Variants in PRDM9 observed in about 807,000 individuals in gnomAD.
The protein encoded by PRDM9 is PR/SET domain 9.
In PRDM9, 47 loss-of-function variants were observed where a neutral mutation model predicts 55.6. That is an observed-to-expected ratio of 0.85 (90% CI 0.67 to 1.08). The LOEUF (loss-of-function observed/expected upper bound fraction) is 1.08, where lower values mean the gene tolerates loss of function less well. Ranked by LOEUF, PRDM9 falls within the 50% of genes least tolerant of loss-of-function variation. The probability of loss-of-function intolerance (pLI) is 0.00; values close to 1 mark genes in which losing one functional copy is unlikely to be tolerated. For synonymous variants in PRDM9, 312 were observed against 375.7 expected (o/e 0.83, Z 1.96); for missense variants, 867 against 1,040.3 (o/e 0.83, Z 2.29).
At chr5:23,509,636 A>G (rs1579587457) in intron 3 of PRDM9, 43 bp downstream of exon 3, 2 of 1,613,914 alleles carry the variant, frequency 1.2e-6, no homozygotes, top group East Asian at 4.5e-5. Flanking sequence ...GGAGACATAA[A>G]ACAGGTCTTT....
intron 5 of PRDM9, 137 bp downstream of exon 5, chr5:23,518,067 A>G (rs1739252264): frequency 1.2e-6 from 1 of 805,878 alleles, no homozygotes; most frequent in African/African-American, 1.7e-5. Flanking sequence ...GTCTGACATC[A>G]TCATTATTTT....
rs776606930 is a variant in PRDM9 at position 23,526,786 on chromosome 5, C to A, written c.1698C>A (p.His566Gln). 34 of 1,587,800 alleles carry A rather than the reference C, an allele frequency of 2.1e-5. No homozygotes were observed. In the South Asian group the frequency reaches 3.8e-4, roughly 18 times the overall value. ...GGCGGGGCTTTAGCTGGAAGTCACA[C>A]CTCCTCATTCACCAGAGGATACACA... ...ECGRGFSWKS[H>Q]LLIHQRIHTG... The change falls in exon 11 of 11, where the codon CAC (histidine) becomes CAA (glutamine). Residue 566 changes from histidine to glutamine, a missense_variant. By Grantham distance (24) the His-to-Gln change is conservative. Coordinates refer to ENST00000296682, the MANE Select transcript of PRDM9 (RefSeq NM_020227.4).
chr5:23,527,715 G>A lies in PRDM9; in HGVS notation c.2627G>A (p.Cys876Tyr), dbSNP rs1407954769. 7.2e-7 allele frequency: 1 copy of A among 1,384,088 alleles called. No homozygotes were observed. The highest frequency in any genetic ancestry group is 1.2e-5 in the South Asian group (1 of 84,394). 85.7% of individuals were successfully genotyped at this position (1,384,088 alleles called of 1,614,324 possible). A position where few individuals can be genotyped will look rare whatever the true frequency, so the allele number is the denominator to read the frequency against. Residue 876 changes from cysteine (C) to tyrosine (Y), a missense_variant, in exon 11 of 11, where the codon TGC (cysteine) becomes TAC (tyrosine). This residue lies in a region of PRDM9 where 86 missense variants were observed against 73.6 expected (regional missense o/e 1.17). Transcript: ENST00000296682. ...GGCTTTAGCGATAGGTCAAGCCTCT[G>A]CTATCACCAGAGGACACACACAGGG... is the stretch of plus-strand genomic sequence containing the variant. ...GRGFSDRSSL[C>Y]YHQRTHTGEK...
intron 1 of PRDM9, among the ~76,000 whole-genome samples, chr5:23,508,603 C>T (rs766049319): frequency 3.9e-5 from 6 of 152,158 alleles, no homozygotes; most frequent in Admixed American, 1.3e-4. Context: ...TCTCAGCAGT[C>T]GGGGGGCCTC....
chr5:23,523,212 C>T, intron 8 of PRDM9, 79 bp from the exon 9 acceptor site: 2 of 1,502,088 alleles, frequency 1.3e-6, no homozygotes, highest in South Asian at 2.3e-5. Flanking sequence ...GCCCAAAGGC[C>T]ATTGACGACA....
At chr5:23,524,619 C>T (rs1739397165) in intron 10 of PRDM9, 92 bp downstream of exon 10, 2 of 1,559,152 alleles carry the variant, frequency 1.3e-6, no homozygotes, top group Admixed American at 1.7e-5. Flanking sequence ...CAGTAAAATG[C>T]CATCTAAAGT....
intron 6 of PRDM9, among the ~76,000 whole-genome samples, chr5:23,522,009 G>A (rs1274756947): frequency 2.0e-5 from 3 of 152,190 alleles, no homozygotes; most frequent in Non-Finnish European, 2.9e-5. Flanking sequence ...AAGATGTAAT[G>A]TGACCTCAAG....
At chr5:23,523,456 A>G (rs1561021171) in intron 9 of PRDM9, 98 bp downstream of exon 9, 2 of 1,294,780 alleles carry the variant, frequency 1.5e-6, no homozygotes, top group Non-Finnish European at 1.1e-6. Flanking sequence ...TGATTTTCAC[A>G]TTCCCTATTT....
chr5:23,516,851 C>T (rs576802823), intron 4 of PRDM9, among the ~76,000 whole-genome samples: 1 of 148,312 alleles, frequency 6.7e-6, no homozygotes, highest in South Asian at 2.2e-4. Flanking sequence ...TCCTGATTAG[C>T]TGGGACTACA....
At chr5:23,519,171 T>A (rs1331190755) in intron 5 of PRDM9, among the ~76,000 whole-genome samples, 1 of 152,156 alleles carries the variant, frequency 6.6e-6, no homozygotes, top group Non-Finnish European at 1.5e-5. Context: ...GCGATCCTCC[T>A]GCCTCAGCCT....
intron 4 of PRDM9, 61 bp from the exon 5 acceptor site, chr5:23,517,820 A>G: frequency 7.1e-7 from 1 of 1,402,788 alleles, no homozygotes; most frequent in Non-Finnish European, 1.0e-6. Context: ...AATAGAAGAG[A>G]GAATCTCTAG....
rs7714612 is a variant in PRDM9, at chr5:23,509,490, C to T, written c.90C>T (p.Asp30=). ...RKPMVKDAFK[D]ISIYFTKEEW... Reference sequence around the variant, plus strand: ...TCTAGGTCAAAGATGCCTTCAAAGACATTTCCATATACTTCACCAAGGAAG... The same window carrying T: ...TCTAGGTCAAAGATGCCTTCAAAGATATTTCCATATACTTCACCAAGGAAG... Residue 30 remains aspartate (D), a synonymous_variant, in exon 3 of 11, where the codon GAC becomes GAT. Transcript: ENST00000296682. 4.9e-3 allele frequency: 7,912 copies of T among 1,614,120 alleles called. 326 individuals are homozygous for T. In the African/African-American group the frequency reaches 0.091, roughly 19 times the overall value.
chr5:23,527,862 C>T lies in PRDM9; in HGVS notation c.*89C>T. On this transcript the variant is annotated 3_prime_UTR_variant, in exon 11 of 11. Coordinates refer to ENST00000296682, the MANE Select transcript of PRDM9 (RefSeq NM_020227.4). ...GCACACCCCAGCTGTGAGGTGGCTT[C>T]AGCGGAAGTCTGCTGACCCCTTATA... The T allele has an allele frequency of 1.3e-6, 2 of 1,527,438 alleles. No homozygotes were observed. The highest frequency in any genetic ancestry group is 2.3e-5 in the South Asian group (2 of 87,972). The allele number at this position is 1,527,438 out of a possible 1,614,324, so 94.6% of individuals were successfully genotyped here. A position where few individuals can be genotyped will look rare whatever the true frequency, so the allele number is the denominator to read the frequency against.
intron 10 of PRDM9, 74 bp from the exon 11 acceptor site, chr5:23,526,159 T>G (rs1739423983): frequency 1.7e-5 from 26 of 1,493,654 alleles, no homozygotes; most frequent in Non-Finnish European, 2.4e-5. Flanking sequence ...TGTTTCTTCA[T>G]TTGATCTTCA....
intron 4 of PRDM9, among the ~76,000 whole-genome samples, chr5:23,516,865 G>T (rs1288438882): frequency 6.7e-6 from 1 of 148,260 alleles, no homozygotes; most frequent in East Asian, 2.1e-4. Flanking sequence ...GACTACAGGC[G>T]CCCGCCACCA....
At chr5:23,519,889 C>G (rs1344588972) in intron 5 of PRDM9, among the ~76,000 whole-genome samples, 1 of 150,954 alleles carries the variant, frequency 6.6e-6, no homozygotes, top group Non-Finnish European at 1.5e-5. Flanking sequence ...ACTAAAACTA[C>G]AAAAATCAGC....
chr5:23,523,398 A>C, intron 9 of PRDM9, 40 bp downstream of exon 9: 1 of 1,563,390 alleles, frequency 6.4e-7, no homozygotes, highest in Non-Finnish European at 8.8e-7. Flanking sequence ...GAGAACCTTC[A>C]TCTCTCACAA....
Position 23,522,902 on chromosome 5 carries a change from A to T in PRDM9, c.882+17A>T. 6.2e-7 allele frequency: 1 copy of T among 1,614,236 alleles called. No individual in the cohort carries two copies. The highest frequency in any genetic ancestry group is 8.5e-7 in the Non-Finnish European group (1 of 1,180,038). On this transcript the variant is annotated intron_variant, in intron 8 of 10. Coordinates refer to ENST00000296682, the MANE Select transcript of PRDM9 (RefSeq NM_020227.4). ...TCCTGGCTGGTAAGAAGAGCCTGCC[A>T]TTTCCCCTGTTCTGTCTTCCCACAT...
At position 23,522,298 on chromosome 5, in the gene PRDM9, A is replaced by T. The variant is rs763417495; in HGVS notation, c.509-6A>T. ...AATTTTACCCGTCTACTCTTCTCCA[A>T]CCTAGAACTCAGGAAGAAGGAGACT... On this transcript the variant is annotated splice_region_variant and splice_polypyrimidine_tract_variant and intron_variant, in intron 6 of 10. Transcript: ENST00000296682. 1.2e-6 allele frequency: 2 copies of T among 1,608,838 alleles called. No homozygotes were observed. Among genetic ancestry groups the T allele is most frequent in the South Asian group, 2.2e-5 (2 of 90,970 alleles).
Sources: allele counts gnomAD v4.1 joint callset (sites outside exome capture counted in the v4.1 genomes callset), GRCh38; gene constraint gnomAD v4.1.1; regional missense constraint gnomAD v4.1.1; transcripts MANE v1.5; gene names NCBI Gene and HGNC (gene_info 2026-07-23, HGNC 2026-07-21).